The following BOC variants were observed in gnomAD, a reference collection of about 807,000 sequenced individuals.
BOC encodes the protein brother of CDO.
Under a neutral mutation model 112.0 loss-of-function variants are expected in BOC, and 76 were observed. The observed-to-expected ratio is 0.68, with a 90% CI of 0.56 to 0.82. BOC has a LOEUF of 0.82. Among genes scored for constraint, BOC ranks in the 40% least tolerant of loss-of-function variants. The probability of loss-of-function intolerance (pLI) is 0.00; values close to 1 mark genes in which losing one functional copy is unlikely to be tolerated. For missense variants in BOC, 1,309 were observed against 1,511.7 expected, an observed-to-expected ratio of 0.87 and a Z score of 2.22; for synonymous variants, 580 against 599.8, an observed-to-expected ratio of 0.97 and a Z score of 0.48.
At chr3:113,276,651 T>C (rs1248366521) in intron 9 of BOC, among the ~76,000 whole-genome samples, 1 of 152,254 alleles carries the variant, frequency 6.6e-6, no homozygotes, top group African/African-American at 2.4e-5. Flanking sequence ...ATCATTCAGC[T>C]AATTTTCACT....
chr3:113,223,855 G>A (rs1002801823), intron 2 of BOC, among the ~76,000 whole-genome samples: 16 of 152,212 alleles, frequency 1.1e-4, no homozygotes, highest in African/African-American at 3.4e-4. Flanking sequence ...CCCCTCGCCC[G>A]CAACCAGAGC....
chr3:113,224,833 C>G (rs1941384336), intron 2 of BOC, among the ~76,000 whole-genome samples: 1 of 152,194 alleles, frequency 6.6e-6, no homozygotes, highest in South Asian at 2.1e-4. Context: ...GTGGCTCACG[C>G]CTGTAATCCC....
intron 2 of BOC, among the ~76,000 whole-genome samples, chr3:113,217,531 A>T (rs911558913): frequency 8.0e-4 from 122 of 152,150 alleles, no homozygotes; most frequent in African/African-American, 2.7e-3. Context: ...TATCTCAAAA[A>T]AAAAAAAGAA....
chr3:113,233,772 C>T (rs1373381699), intron 2 of BOC, among the ~76,000 whole-genome samples: 1 of 152,170 alleles, frequency 6.6e-6, no homozygotes, highest in Admixed American at 6.5e-5. Flanking sequence ...CAGGCGCCTA[C>T]TTCTCTTTAC....
Position 113,272,408 on chromosome 3 carries a change from A to G in BOC, c.668-2A>G. On this transcript the variant is annotated splice_acceptor_variant, in intron 6 of 19. Coordinates refer to ENST00000682979, the MANE Select transcript of BOC (RefSeq NM_001378074.1). LOFTEE classifies it high-confidence loss of function. The stretch of plus-strand genomic sequence containing the variant: ...CTGTCCTTGCCCTCCTTGCCCCTCC[A>G]GGCTCCACCGCTGAGGCTGCCCGCA... The G allele has an allele frequency of 6.2e-7, 1 of 1,612,194 alleles. No individual in the cohort carries two copies. Among genetic ancestry groups the G allele is most frequent in the Non-Finnish European group, 8.5e-7 (1 of 1,178,614 alleles).
In BOC at chr3:113,272,651, T is replaced by C. The variant is rs1394075196; in HGVS notation, c.909T>C (p.Asn303=). 1 of 1,613,612 alleles carries C rather than the reference T, an allele frequency of 6.2e-7. No individual in the cohort carries two copies. Among genetic ancestry groups the C allele is most frequent in the Non-Finnish European group, 8.5e-7 (1 of 1,179,938 alleles). Residue 303 remains asparagine, a synonymous_variant, in exon 7 of 20, where the codon AAT becomes AAC. Coordinates refer to ENST00000682979, the MANE Select transcript of BOC (RefSeq NM_001378074.1). ...DSGTYRCMAD[N]GVGQPGAAVI... ...GCACCTACCGCTGCATGGCCGACAA[T>C]GGGGTTGGGCAGCCCGGGGCAGCGG...
chr3:113,282,124 G>A (rs1420820294), intron 15 of BOC, among the ~76,000 whole-genome samples: 1 of 152,186 alleles, frequency 6.6e-6, no homozygotes, highest in African/African-American at 2.4e-5. Context: ...AGGAGGTTAT[G>A]GGAGTGAATG....
At position 113,286,226 on chromosome 3, in the gene BOC, A is replaced by T. The variant is rs563846622; in HGVS notation, c.3161-449A>T. On this transcript the variant is annotated intron_variant, in intron 19 of 19. Transcript: ENST00000682979. ...AGATCCTGGACTCTGTCTCTAGGAG[A>T]TTAAATTTAAAAGATGCTGGGTCCT... 3.3e-5 allele frequency among the ~76,000 whole-genome samples: 5 copies of T among 152,220 alleles called. No individual in the cohort carries two copies. In the South Asian group the frequency reaches 1.0e-3, roughly 32 times the overall value.
Position 113,267,036 on chromosome 3 carries a change from C to T in BOC, c.377-1263C>T, listed in dbSNP as rs141285415. Reference sequence around the variant, plus strand: ...AACAGCAGAGGCAGGTGCAGTCTTGCAGTGAAATTGCAGTCAGTCCCAATG... The same window carrying T: ...AACAGCAGAGGCAGGTGCAGTCTTGTAGTGAAATTGCAGTCAGTCCCAATG... On this transcript the variant is annotated intron_variant, in intron 4 of 19. Transcript: ENST00000682979. Among the ~76,000 whole-genome samples the T allele has an allele frequency of 8.5e-3, 1,290 of 152,324 alleles. 20 individuals carry two copies. Among genetic ancestry groups the T allele is most frequent in the African/African-American group, 0.029 (1,204 of 41,568 alleles).
At chr3:113,241,595 GA>G (rs1242534593) in intron 2 of BOC, among the ~76,000 whole-genome samples, 17 of 152,196 alleles carry the variant, frequency 1.1e-4, no homozygotes, top group Non-Finnish European at 2.1e-4. Flanking sequence ...AAAAAAGGAG[GA>G]AAAACAGAAA....
At chr3:113,226,465 G>A (rs1941677792) in intron 2 of BOC, among the ~76,000 whole-genome samples, 1 of 152,144 alleles carries the variant, frequency 6.6e-6, no homozygotes, top group African/African-American at 2.4e-5. Flanking sequence ...TCCAGAAAAA[G>A]CCAGCCTCCA....
In BOC at chr3:113,261,938, TAAC is replaced by T. The variant is rs149669082; in HGVS notation, c.377-6357_377-6355del. ...GAAAGGAAAAGAAAGAAACAAGATT[TAAC>T]AACTAATGTGCTTGGCATCTACAAA... On this transcript the variant is annotated intron_variant, in intron 4 of 19. Coordinates refer to ENST00000682979, the MANE Select transcript of BOC (RefSeq NM_001378074.1). The T allele has an allele frequency of 2.6e-5, 4 of 152,314 alleles. No individual in the cohort carries two copies. In the East Asian group the frequency reaches 7.7e-4, roughly 29 times the overall value. The allele number at this position is 152,314 out of a possible 1,614,324, so 9.4% of individuals were successfully genotyped here. A position where few individuals can be genotyped will look rare whatever the true frequency, so the allele number is the denominator to read the frequency against.
At chr3:113,275,762 G>A (rs897974037) in intron 9 of BOC, among the ~76,000 whole-genome samples, 9 of 152,184 alleles carry the variant, frequency 5.9e-5, no homozygotes, top group South Asian at 2.1e-4. Flanking sequence ...AGTGGAGAGC[G>A]CTAGCTGTGC....
chr3:113,258,269 C>T (rs1441802336), intron 4 of BOC, among the ~76,000 whole-genome samples: 2 of 152,050 alleles, frequency 1.3e-5, no homozygotes, highest in Admixed American at 6.6e-5. Context: ...CGGATGGCAC[C>T]GATACTGCCA....
At chr3:113,267,778 C>T (rs1004974963) in intron 4 of BOC, among the ~76,000 whole-genome samples, 28 of 152,200 alleles carry the variant, frequency 1.8e-4, no homozygotes, top group Non-Finnish European at 7.3e-5. Flanking sequence ...CCCAGGCCAG[C>T]GTGCAGTGGC....
chr3:113,216,369 A>T (rs1376634609), intron 2 of BOC, 95 bp downstream of exon 2: 1 of 435,130 alleles, frequency 2.3e-6, no homozygotes, highest in African/African-American at 2.0e-5. Context: ...AGTTTTTCTC[A>T]TCCTCAAGTA....
chr3:113,274,715 T>G lies in BOC; in HGVS notation c.1542+33T>G. 1 of 1,544,640 alleles carries G rather than the reference T, an allele frequency of 6.5e-7. No individual in the cohort carries two copies. The highest frequency in any genetic ancestry group is 8.8e-7 in the Non-Finnish European group (1 of 1,138,446). On this transcript the variant is annotated intron_variant, in intron 9 of 19. Transcript: ENST00000682979. This position sits in a 1 kb window ranked among gnomAD's most constrained non-coding sequence, Gnocchi z 4.8. The stretch of plus-strand genomic sequence containing the variant: ...CCTGGTGTGGGGCTGCTGCCTCCCC[T>G]GCACAGCCTTTCCAGCAAGGCTGAG...
chr3:113,239,021 G>GTGGC (rs1467239102), intron 2 of BOC, among the ~76,000 whole-genome samples: 2 of 152,232 alleles, frequency 1.3e-5, no homozygotes, highest in African/African-American at 4.8e-5. Flanking sequence ...ACTAGCCCAT[G>GTGGC]TGGCTGTTAA....
chr3:113,284,757 T>C, intron 17 of BOC, 25 bp from the exon 18 acceptor site: 1 of 1,612,014 alleles, frequency 6.2e-7, no homozygotes, highest in South Asian at 1.1e-5. Flanking sequence ...GGCGTGGCCG[T>C]CTCATTACTC....
Sources: allele counts gnomAD v4.1 joint callset (sites outside exome capture counted in the v4.1 genomes callset), GRCh38; gene constraint gnomAD v4.1.1; non-coding constraint Gnocchi (gnomAD v3.1); transcripts MANE v1.5; gene names NCBI Gene and HGNC (gene_info 2026-07-23, HGNC 2026-07-21).